Variants in CABLES1 observed in about 807,000 individuals in gnomAD.
CABLES1 encodes the protein CDK5 and ABL1 enzyme substrate 1.
In CABLES1, 36 loss-of-function variants were observed where a neutral mutation model predicts 57.8. That is an observed-to-expected ratio of 0.62 (90% CI 0.48 to 0.82). CABLES1 has a LOEUF of 0.82. Among genes scored for constraint, CABLES1 ranks in the 40% least tolerant of loss-of-function variants. The probability of loss-of-function intolerance (pLI) is 0.00; values close to 1 mark genes in which losing one functional copy is unlikely to be tolerated. For missense variants in CABLES1, 767 were observed against 836.6 expected (o/e 0.92, Z 1.03); for synonymous variants, 374 against 363.0 (o/e 1.03, Z -0.35).
At chr18:23,224,736 T>G (rs1385023788) in intron 4 of CABLES1, among the ~76,000 whole-genome samples, 1 of 151,702 alleles carries the variant, frequency 6.6e-6, no homozygotes, top group East Asian at 1.9e-4. Flanking sequence ...ACCCGGCTAA[T>G]TTTTTTGTAT....
At chr18:23,255,761 G>GTATTGCCCAGGC (rs1259636591) in intron 9 of CABLES1, among the ~76,000 whole-genome samples, 1 of 151,856 alleles carries the variant, frequency 6.6e-6, no homozygotes, top group Non-Finnish European at 1.5e-5. Flanking sequence ...AGGTCTTGCT[G>GTATTGCCCAGGC]TATTGCCCAG....
chr18:23,168,432 A>C (rs1382103309), intron 1 of CABLES1, among the ~76,000 whole-genome samples: 1 of 152,172 alleles, frequency 6.6e-6, no homozygotes, highest in Non-Finnish European at 1.5e-5. Flanking sequence ...AGAGACAGAA[A>C]GTAGAATAAT....
chr18:23,206,353 G>A (rs1056783809), intron 3 of CABLES1, among the ~76,000 whole-genome samples: 3 of 152,354 alleles, frequency 2.0e-5, no homozygotes, highest in African/African-American at 7.2e-5. Context: ...GCCACCCTCA[G>A]CTACGCTGAA....
At chr18:23,171,159 C>T (rs540857033) in intron 1 of CABLES1, among the ~76,000 whole-genome samples, 1 of 152,202 alleles carries the variant, frequency 6.6e-6, no homozygotes, top group Non-Finnish European at 1.5e-5. Flanking sequence ...TTAACGTGAT[C>T]TGTAGATCCA....
At chr18:23,138,887 TG>T (rs1483876574) in intron 1 of CABLES1, among the ~76,000 whole-genome samples, 1 of 152,218 alleles carries the variant, frequency 6.6e-6, no homozygotes, top group Non-Finnish European at 1.5e-5. Context: ...CTCCAGAATG[TG>T]GGCTTTGCAC....
In CABLES1 at chr18:23,139,403, CAA is replaced by C. The variant is rs61297552; in HGVS notation, c.845+2816_845+2817del. Among the ~76,000 whole-genome samples, 309 of 111,102 alleles carry C rather than the reference CAA, an allele frequency of 2.8e-3. 2 individuals carry two copies. The highest frequency in any genetic ancestry group is 0.01 in the East Asian group (41 of 3,970). The allele number at this position is 111,102 out of a possible 152,430, so 72.9% of individuals were successfully genotyped here. A position where few individuals can be genotyped will look rare whatever the true frequency, so the allele number is the denominator to read the frequency against. On this transcript the variant is annotated intron_variant, in intron 1 of 9. Coordinates refer to ENST00000256925, the MANE Select transcript of CABLES1 (RefSeq NM_001100619.3). ...GGGCAACAAGAGTGAAACTCCATCT[CAA>C]AAAAAAAAAAAAAAAAAAATTAGAA...
rs930690413 is a variant in CABLES1, at chr18:23,260,026, G to A, written c.*2659G>A. The A allele has an allele frequency of 1.3e-5, 2 of 152,120 alleles. No homozygotes were observed. Among genetic ancestry groups the A allele is most frequent in the Non-Finnish European group, 2.9e-5 (2 of 68,048 alleles). 9.4% of individuals were successfully genotyped at this position (152,120 alleles called of 1,614,324 possible). A position where few individuals can be genotyped will look rare whatever the true frequency, so the allele number is the denominator to read the frequency against. On this transcript the variant is annotated 3_prime_UTR_variant, in exon 10 of 10. Transcript: ENST00000256925. ...AGGGGGCCCGGGACTCCTCTAGTGA[G>A]CCTTGACTGTTAGGTAAGAGACAGG... is the stretch of plus-strand genomic sequence containing the variant.
chr18:23,251,631 A>G (rs1447928213), intron 7 of CABLES1, among the ~76,000 whole-genome samples: 1 of 152,206 alleles, frequency 6.6e-6, no homozygotes, highest in African/African-American at 2.4e-5. Context: ...AAAGGACTCC[A>G]AGGATCCTTT....
At chr18:23,162,764 C>T (rs961077351) in intron 1 of CABLES1, among the ~76,000 whole-genome samples, 2 of 152,074 alleles carry the variant, frequency 1.3e-5, no homozygotes, top group African/African-American at 2.4e-5. Context: ...GAGGTAACTG[C>T]GACGTGTTCC....
Position 23,148,521 on chromosome 18 carries a change from A to G in CABLES1, c.845+11914A>G, listed in dbSNP as rs900951889. ...TGGCATTGGGTCAGCAGGGACTTCT[A>G]TGTCGATTCTGCACACACATCTGCA... On this transcript the variant is annotated intron_variant, in intron 1 of 9. Transcript: ENST00000256925. Among the ~76,000 whole-genome samples, 15 of 152,230 alleles carry G rather than the reference A, an allele frequency of 9.9e-5. No homozygotes were observed. The South Asian group carries it at 1.0e-3, about 11-fold the overall frequency.
intron 7 of CABLES1, among the ~76,000 whole-genome samples, chr18:23,248,020 CCAAGAGCTAGGA>C (rs1051278776): frequency 6.6e-6 from 1 of 152,230 alleles, no homozygotes; most frequent in Non-Finnish European, 1.5e-5. Flanking sequence ...GCTGCAGACC[CCAAGAGCTAGGA>C]CAAGGCTGCT....
At chr18:23,224,701 T>C (rs1311143253) in intron 4 of CABLES1, among the ~76,000 whole-genome samples, 1 of 151,052 alleles carries the variant, frequency 6.6e-6, no homozygotes, top group Admixed American at 6.6e-5. Flanking sequence ...CCTGAGTAGC[T>C]GGGATTACAG....
chr18:23,149,498 T>A lies in CABLES1; in HGVS notation c.845+12891T>A, dbSNP rs574898484. Among the ~76,000 whole-genome samples the A allele has an allele frequency of 3.3e-5, 5 of 152,242 alleles. No individual in the cohort carries two copies. The South Asian group carries it at 1.0e-3, about 32-fold the overall frequency. ...GGTTTCACCATGTTGCCTAGGCTGGTCTCGAACTACTGAGCTCAAGCAGTG... is the reference window on the plus strand; with the variant it reads ...GGTTTCACCATGTTGCCTAGGCTGGACTCGAACTACTGAGCTCAAGCAGTG... On this transcript the variant is annotated intron_variant, in intron 1 of 9. Transcript: ENST00000256925.
At chr18:23,164,974 T>TGCTGGCCAG (rs2047031637) in intron 1 of CABLES1, among the ~76,000 whole-genome samples, 1 of 152,112 alleles carries the variant, frequency 6.6e-6, no homozygotes, top group African/African-American at 2.4e-5. Context: ...GGTTTTACCA[T>TGCTGGCCAG]GCTGGCCAGG....
intron 3 of CABLES1, among the ~76,000 whole-genome samples, chr18:23,198,811 G>A (rs185228540): frequency 2.6e-5 from 4 of 152,320 alleles, no homozygotes; most frequent in African/African-American, 7.2e-5. Flanking sequence ...CTAACACCTC[G>A]GTTTTAGCTC....
chr18:23,153,540 G>T (rs2046946376), intron 1 of CABLES1, among the ~76,000 whole-genome samples: 1 of 151,868 alleles, frequency 6.6e-6, no homozygotes, highest in Non-Finnish European at 1.5e-5. Flanking sequence ...GCTAGACCAG[G>T]CTGACCAACA....
intron 1 of CABLES1, among the ~76,000 whole-genome samples, chr18:23,156,973 G>GGTC (rs1241017339): frequency 6.6e-6 from 1 of 152,104 alleles, no homozygotes; most frequent in Admixed American, 6.6e-5. Flanking sequence ...ATGTAGCCTT[G>GGTC]GTCACCTCAA....
intron 1 of CABLES1, among the ~76,000 whole-genome samples, chr18:23,151,823 G>C (rs1432824502): frequency 6.6e-6 from 1 of 152,178 alleles, no homozygotes; most frequent in Non-Finnish European, 1.5e-5. Flanking sequence ...GGCCAGAAGG[G>C]CTCATGCAGG....
Position 23,189,748 on chromosome 18 carries a change from G to A in CABLES1, c.917+839G>A, listed in dbSNP as rs144973650. 8.5e-3 allele frequency among the ~76,000 whole-genome samples: 1,292 copies of A among 152,342 alleles called. 10 individuals carry two copies. Among genetic ancestry groups the A allele is most frequent in the African/African-American group, 0.024 (993 of 41,580 alleles). On this transcript the variant is annotated intron_variant, in intron 2 of 9. Transcript: ENST00000256925. Reference sequence around the variant, plus strand: ...CTTGGCCAGGCCAGGACTTGGGAGCGCCTGGCTCTTCCTTCTGAGCCTGGC... The same window carrying A: ...CTTGGCCAGGCCAGGACTTGGGAGCACCTGGCTCTTCCTTCTGAGCCTGGC...
Sources: gnomAD v4.1 joint callset for allele counts (sites outside exome capture counted in the v4.1 genomes callset) on GRCh38, gnomAD v4.1.1 for gene constraint, MANE v1.5 for transcripts, NCBI Gene and HGNC (gene_info 2026-07-23, HGNC 2026-07-21) for gene names.